MARCHF1: variants seen among roughly 807,000 people sequenced by gnomAD.
MARCHF1 encodes E3 ubiquitin-protein ligase MARCHF1.
In MARCHF1, 40 loss-of-function variants were observed where a neutral mutation model predicts 54.2. The ratio of observed to expected loss-of-function variants is 0.74; its 90% CI spans 0.57 to 0.96. The LOEUF (loss-of-function observed/expected upper bound fraction) is 0.96. Among genes scored for constraint, MARCHF1 ranks in the 40% least tolerant of loss-of-function variants. The pLI is 0.00. For missense variants in MARCHF1, 586 were observed against 656.5 expected (o/e 0.89, Z 1.17); for synonymous variants, 236 against 236.3 (o/e 1.00, Z 0.01).
rs1046563047 is a variant in MARCHF1 at position 163,585,785 on chromosome 4, G to T, written c.1155C>A (p.Asp385Glu). 1.2e-6 allele frequency: 2 copies of T among 1,612,160 alleles called. No individual in the cohort carries two copies. The highest frequency in any genetic ancestry group is 2.7e-5 in the African/African-American group (2 of 74,876). ...DTRCCELCKY[D>E]FIMETKLKPL... Reference sequence around the variant, plus strand: ...GTTTGAGCTTGGTCTCCATTATGAAGTCATACTTGCAGAGCTCACAGCAGC... The same window carrying T: ...GTTTGAGCTTGGTCTCCATTATGAATTCATACTTGCAGAGCTCACAGCAGC... Residue 385 changes from aspartate to glutamate, a missense_variant, in exon 8 of 10, where the codon GAC becomes GAA. Asp to Glu is a conservative substitution (Grantham distance 45). Transcript: ENST00000514618.
intron 5 of MARCHF1, among the ~76,000 whole-genome samples, chr4:163,622,980 C>T (rs1011369739): frequency 6.6e-6 from 1 of 152,102 alleles, no homozygotes; most frequent in South Asian, 2.1e-4. Context: ...AGAGGACAAG[C>T]TCAGCCAGGA....
chr4:163,848,531 G>A (rs1240023921), intron 4 of MARCHF1, among the ~76,000 whole-genome samples: 4 of 151,468 alleles, frequency 2.6e-5, no homozygotes, highest in Admixed American at 1.3e-4. Context: ...TTCTTACTTC[G>A]GATTCTTATG....
At chr4:163,936,415 AC>A (rs140824494) in intron 3 of MARCHF1, among the ~76,000 whole-genome samples, 1 of 152,342 alleles carries the variant, frequency 6.6e-6, no homozygotes, top group African/African-American at 2.4e-5. Context: ...GTGAACCTCA[AC>A]AAAATGAGGT....
intron 4 of MARCHF1, among the ~76,000 whole-genome samples, chr4:163,767,624 G>A (rs1236404091): frequency 1.3e-5 from 2 of 152,052 alleles, no homozygotes; most frequent in Non-Finnish European, 2.9e-5. Context: ...GTGAGCCACC[G>A]TGCCCAGCCA....
chr4:163,803,413 T>C (rs1409854979), intron 4 of MARCHF1, among the ~76,000 whole-genome samples: 1 of 149,072 alleles, frequency 6.7e-6, no homozygotes, highest in African/African-American at 2.6e-5. Context: ...GTTCATATGA[T>C]CCGCCCACCG....
At chr4:163,552,767 C>T (rs1010664792) in intron 8 of MARCHF1, among the ~76,000 whole-genome samples, 2 of 152,024 alleles carry the variant, frequency 1.3e-5, no homozygotes, top group Non-Finnish European at 2.9e-5. Context: ...GGAGCGGTGG[C>T]TCAGGCCTGT....
chr4:164,295,002 G>A (rs1734375798), intron 1 of MARCHF1, among the ~76,000 whole-genome samples: 1 of 152,030 alleles, frequency 6.6e-6, no homozygotes, highest in African/African-American at 2.4e-5. Flanking sequence ...TTTGGCATAG[G>A]TAGATTAACA....
intron 3 of MARCHF1, among the ~76,000 whole-genome samples, chr4:163,890,598 A>T (rs10008148): frequency 0.4 from 60,622 of 152,050 alleles, 13,276 homozygotes; most frequent in East Asian, 0.7. Flanking sequence ...AGAAAGCTCA[A>T]ATGGGTGAAT....
rs568650361 is a variant in MARCHF1 at position 163,733,256 on chromosome 4, T to TACAC, written c.112-32394_112-32393insGTGT. Among the ~76,000 whole-genome samples, 51 of 43,172 alleles carry TACAC rather than the reference T, an allele frequency of 1.2e-3. 1 individual carries two copies. The highest frequency in any genetic ancestry group is 0.011 in the East Asian group (30 of 2,612). The allele number at this position is 43,172 out of a possible 152,430, so 28.3% of individuals were successfully genotyped here. On this transcript the variant is annotated intron_variant, in intron 4 of 9. Transcript: ENST00000514618. ...ATATATATATACACGTGTATATATATATACACACACACACACACACAGACA... is the reference window on the plus strand; with the variant it reads ...ATATATATATACACGTGTATATATATACACATACACACACACACACACACAGACA...
At chr4:163,550,671 A>G (rs6815345) in intron 8 of MARCHF1, among the ~76,000 whole-genome samples, 112,483 of 152,170 alleles carry the variant, frequency 0.74, 41,857 homozygotes, top group East Asian at 0.9. Context: ...ATAATACCTG[A>G]AACAGCAAGT....
intron 4 of MARCHF1, among the ~76,000 whole-genome samples, chr4:163,721,683 A>G (rs1490563103): frequency 6.6e-6 from 1 of 152,110 alleles, no homozygotes; most frequent in East Asian, 1.9e-4. Flanking sequence ...TTGGTAGGCT[A>G]TTAATTATTG....
At chr4:163,725,707 C>T (rs932546694) in intron 4 of MARCHF1, among the ~76,000 whole-genome samples, 14 of 152,158 alleles carry the variant, frequency 9.2e-5, no homozygotes, top group African/African-American at 3.4e-4. Context: ...TCAGAAAGTC[C>T]CTAGCTCTAG....
At chr4:164,374,544 C>T (rs545807192) in intron 1 of MARCHF1, among the ~76,000 whole-genome samples, 38 of 152,188 alleles carry the variant, frequency 2.5e-4, no homozygotes, top group African/African-American at 7.9e-4. Flanking sequence ...GGCTTATCCT[C>T]ATAACAAAAG....
In MARCHF1 at chr4:164,375,756, C is replaced by A. The variant is rs114401387; in HGVS notation, c.-323+8114G>T. ...TGACAGTCCCTTATGTTTAGTACCT[C>A]TCTTCAGCCTACATCACACTCCCTC... On this transcript the variant is annotated intron_variant, in intron 1 of 9. Coordinates refer to ENST00000514618, the MANE Select transcript of MARCHF1 (RefSeq NM_001394959.1). Among the ~76,000 whole-genome samples, 520 of 152,320 alleles carry A rather than the reference C, an allele frequency of 3.4e-3. 4 individuals are homozygous for A. The highest frequency in any genetic ancestry group is 0.012 in the African/African-American group (498 of 41,582).
At chr4:164,136,892 G>A (rs571796777) in intron 1 of MARCHF1, among the ~76,000 whole-genome samples, 8 of 152,242 alleles carry the variant, frequency 5.3e-5, no homozygotes, top group South Asian at 2.1e-4. Context: ...GGAAGAATGC[G>A]GTTTTGTGAC....
intron 1 of MARCHF1, among the ~76,000 whole-genome samples, chr4:164,336,049 AC>A (rs1404349727): frequency 6.6e-6 from 1 of 152,206 alleles, no homozygotes; most frequent in African/African-American, 2.4e-5. Flanking sequence ...CATTTGCTGT[AC>A]CAAGAGACAA....
chr4:163,883,244 T>C (rs1241611055), intron 3 of MARCHF1, among the ~76,000 whole-genome samples: 1 of 69,916 alleles, frequency 1.4e-5, no homozygotes, highest in Non-Finnish European at 2.9e-5. Context: ...TATATGTGTG[T>C]GTATATATAT....
intron 3 of MARCHF1, among the ~76,000 whole-genome samples, chr4:163,966,369 T>G (rs1319753709): frequency 6.6e-6 from 1 of 152,044 alleles, no homozygotes; most frequent in East Asian, 1.9e-4. Context: ...TTTACCTAAT[T>G]AATAGAATGA....
At chr4:163,779,267 C>A (rs551910465) in intron 4 of MARCHF1, among the ~76,000 whole-genome samples, 1 of 151,868 alleles carries the variant, frequency 6.6e-6, no homozygotes, top group Non-Finnish European at 1.5e-5. Flanking sequence ...TAGAATCACA[C>A]AATGATATAA....
Sources: gnomAD v4.1 joint callset for allele counts (sites outside exome capture counted in the v4.1 genomes callset) on GRCh38, gnomAD v4.1.1 for gene constraint, MANE v1.5 for transcripts, NCBI Gene and HGNC (gene_info 2026-07-23, HGNC 2026-07-21) for gene names.